Variants in FRMPD1 observed in about 807,000 individuals in gnomAD.
FRMPD1 encodes the protein FERM and PDZ domain-containing protein 1.
FRMPD1 carries 76 observed loss-of-function variants against 117.8 expected under a neutral mutation model. That is an observed-to-expected ratio of 0.65 (90% CI 0.54 to 0.78). The LOEUF (loss-of-function observed/expected upper bound fraction) is 0.78, where lower values mean the gene tolerates loss of function less well. Among genes scored for constraint, FRMPD1 ranks in the 30% least tolerant of loss-of-function variants. The probability of loss-of-function intolerance (pLI) is 0.00; values close to 1 mark genes in which losing one functional copy is unlikely to be tolerated. For missense variants in FRMPD1, 1,786 were observed against 1,964.5 expected (o/e 0.91, Z 1.72); for synonymous variants, 783 against 770.4 (o/e 1.02, Z -0.27).
Position 37,744,465 on chromosome 9 carries a change from C to T in FRMPD1, c.2433C>T (p.Asn811=), listed in dbSNP as rs867830163. The change falls in exon 16 of 16, where the codon AAC becomes AAT. Residue 811 remains asparagine, a synonymous_variant. Coordinates refer to ENST00000377765, the MANE Select transcript of FRMPD1 (RefSeq NM_014907.3). ...QNKASTSSPE[N]SLPCGPDGRQ... The stretch of plus-strand genomic sequence containing the variant: ...AGGCCAGCACTTCTAGCCCTGAGAA[C>T]AGCCTGCCTTGTGGGCCAGATGGAA... 1.2e-6 allele frequency: 2 copies of T among 1,613,996 alleles called. No individual in the cohort carries two copies. Among genetic ancestry groups the T allele is most frequent in the Non-Finnish European group, 8.5e-7 (1 of 1,179,994 alleles).
At chr9:37,629,332 T>C in the FRMPD1 span, among the ~76,000 whole-genome samples, 1 of 152,252 alleles carries the variant, frequency 6.6e-6, no homozygotes, top group Non-Finnish European at 1.5e-5. Flanking sequence ...TCTACATTTC[T>C]ATAAATGAAG....
chr9:37,687,311 C>T (rs1433271037), intron 1 of FRMPD1, among the ~76,000 whole-genome samples: 1 of 152,172 alleles, frequency 6.6e-6, no homozygotes, highest in Non-Finnish European at 1.5e-5. Flanking sequence ...CCCTTAGGCT[C>T]TTTGTGAACC....
intron 1 of FRMPD1, among the ~76,000 whole-genome samples, chr9:37,687,845 A>G (rs1822001045): frequency 6.6e-6 from 1 of 152,256 alleles, no homozygotes; most frequent in Non-Finnish European, 1.5e-5. Context: ...CTAGTAATCA[A>G]ATAACTTCCA....
chr9:37,727,488 A>G (rs1823663209), intron 7 of FRMPD1, among the ~76,000 whole-genome samples: 1 of 152,110 alleles, frequency 6.6e-6, no homozygotes, highest in Non-Finnish European at 1.5e-5. Context: ...TGGAGAACAG[A>G]TGGGTGGCAG....
intron 2 of FRMPD1, among the ~76,000 whole-genome samples, chr9:37,706,595 G>A (rs527394736): frequency 1.1e-4 from 16 of 152,286 alleles, no homozygotes; most frequent in East Asian, 3.9e-4. Context: ...CTTGTGACTC[G>A]CTTTGTGGTT....
intron 6 of FRMPD1, among the ~76,000 whole-genome samples, 159 bp downstream of exon 6, chr9:37,719,335 A>G (rs1032791761): frequency 3.3e-5 from 5 of 152,130 alleles, no homozygotes; most frequent in Non-Finnish European, 7.4e-5. Flanking sequence ...ATGCCTGCAG[A>G]CCCTGGACTG....
At position 37,707,449 on chromosome 9, in the gene FRMPD1, G is replaced by T. The variant is rs112589819; in HGVS notation, c.135G>T (p.Arg45Ser). 2.5e-6 allele frequency: 4 copies of T among 1,613,896 alleles called. No homozygotes were observed. The highest frequency in any genetic ancestry group is 1.3e-5 in the African/African-American group (1 of 74,980). Residue 45 changes from arginine (R) to serine (S), a missense_variant, in exon 3 of 16, where the codon AGG becomes AGT. By Grantham distance (110) the Arg-to-Ser change is moderately radical. Coordinates refer to ENST00000377765, the MANE Select transcript of FRMPD1 (RefSeq NM_014907.3). Reference protein sequence around the residue: ...AKVAAADGPARNPTQTLIPVR... With the variant: ...AKVAAADGPASNPTQTLIPVR... ...TTGCTGCAGCTGATGGGCCCGCCAG[G>T]AACCCAACTCAGACCCTCATCCCTG...
intron 2 of FRMPD1, among the ~76,000 whole-genome samples, chr9:37,700,372 G>A (rs1294783944): frequency 6.6e-6 from 1 of 152,194 alleles, no homozygotes; most frequent in Admixed American, 6.5e-5. Flanking sequence ...GGTACAGACT[G>A]ATGCCTCTAT....
chr9:37,708,461 G>C lies in FRMPD1; in HGVS notation c.322G>C (p.Ala108Pro). 1 of 1,612,890 alleles carries C rather than the reference G, an allele frequency of 6.2e-7. No individual in the cohort carries two copies. Among genetic ancestry groups the C allele is most frequent in the Non-Finnish European group, 8.5e-7 (1 of 1,178,838 alleles). The change falls in exon 4 of 16, where the codon GCT becomes CCT. Residue 108 changes from alanine (A) to proline (P), a missense_variant. By Grantham distance (27) the Ala-to-Pro change is conservative. Transcript: ENST00000377765. Reference protein sequence around the residue: ...DQILQMNNEPAEDLSWERAVD... With the variant: ...DQILQMNNEPPEDLSWERAVD... ...GATCCTCCAAATGAACAATGAGCCT[G>C]CTGAAGACCTTTCCTGGGAACGAGC...
At chr9:37,606,471 A>C in the FRMPD1 span, among the ~76,000 whole-genome samples, 1 of 152,336 alleles carries the variant, frequency 6.6e-6, no homozygotes, top group Middle Eastern at 3.4e-3. Flanking sequence ...CACACTGCCC[A>C]TGGACAAAAA....
At chr9:37,629,416 T>G in the FRMPD1 span, among the ~76,000 whole-genome samples, 1 of 152,186 alleles carries the variant, frequency 6.6e-6, no homozygotes, top group East Asian at 1.9e-4. Context: ...CATTCACAGC[T>G]GCATGGTCAT....
chr9:37,680,463 C>T (rs1426273328), intron 1 of FRMPD1, among the ~76,000 whole-genome samples: 5 of 152,184 alleles, frequency 3.3e-5, no homozygotes, highest in Non-Finnish European at 7.3e-5. Context: ...GAAGCTAAAA[C>T]GAGAGGCACT....
rs1437835086 is a variant in FRMPD1, at chr9:37,733,548, C to G, written c.1071C>G (p.Ala357=). 1 of 1,613,602 alleles carries G rather than the reference C, an allele frequency of 6.2e-7. No homozygotes were observed. Among genetic ancestry groups the G allele is most frequent in the African/African-American group, 1.3e-5 (1 of 74,892 alleles). Residue 357 remains alanine (A), a synonymous_variant, in exon 11 of 16, where the codon GCC becomes GCG. Coordinates refer to ENST00000377765, the MANE Select transcript of FRMPD1 (RefSeq NM_014907.3). ...TGAAAGGCAAAGACATCAAGAAAGC[C>G]ATTAGCTTCCACATGAAGAGGAACC... ...RNMKGKDIKK[A]ISFHMKRNQN...
intron 4 of FRMPD1, 32 bp downstream of exon 4, chr9:37,708,533 T>C (rs1822797154): frequency 8.1e-7 from 1 of 1,227,724 alleles, no homozygotes; most frequent in African/African-American, 1.5e-5. Flanking sequence ...TCTACAGAAT[T>C]GCACAGATTA....
chr9:37,615,386 C>A, the FRMPD1 span, among the ~76,000 whole-genome samples: 1 of 152,162 alleles, frequency 6.6e-6, no homozygotes, highest in South Asian at 2.1e-4. Flanking sequence ...GCTGGGATTA[C>A]AGGCATGAGC....
chr9:37,744,393 C>T lies in FRMPD1; in HGVS notation c.2361C>T (p.Pro787=), dbSNP rs151326689. 3,038 of 1,586,242 alleles carry T rather than the reference C, an allele frequency of 1.9e-3. 8 individuals are homozygous for T. Among genetic ancestry groups the T allele is most frequent in the South Asian group, 7.6e-3 (660 of 87,138 alleles). Residue 787 remains proline, a synonymous_variant, in exon 16 of 16, where the codon CCC becomes CCT. Transcript: ENST00000377765. ...TTTTTCTTTCCTGACTCCCAGGGCCCAGAGATGTTTCTACTGCAGAACCCA... is the reference window on the plus strand; with the variant it reads ...TTTTTCTTTCCTGACTCCCAGGGCCTAGAGATGTTTCTACTGCAGAACCCA... ...KLTPPGPPSG[P]RDVSTAEPSA...
intron 1 of FRMPD1, among the ~76,000 whole-genome samples, chr9:37,651,642 TTGAC>T: frequency 6.6e-6 from 1 of 152,366 alleles, no homozygotes; most frequent in Non-Finnish European, 1.5e-5. Context: ...TGCAGCAGCT[TTGAC>T]TGAGCTTTAG....
the FRMPD1 span, among the ~76,000 whole-genome samples, chr9:37,626,018 C>A: frequency 6.6e-6 from 1 of 152,178 alleles, no homozygotes; most frequent in Non-Finnish European, 1.5e-5. Context: ...CATGGTGAAA[C>A]CCCGTATCTA....
At chr9:37,620,430 T>C in the FRMPD1 span, among the ~76,000 whole-genome samples, 3,832 of 152,136 alleles carry the variant, frequency 0.025, 81 homozygotes, top group Non-Finnish European at 0.033. Context: ...GCTGTGAGAA[T>C]TAAATAACAT....
Sources: gnomAD v4.1 joint callset for allele counts (sites outside exome capture counted in the v4.1 genomes callset) on GRCh38, gnomAD v4.1.1 for gene constraint, MANE v1.5 for transcripts, NCBI Gene and HGNC (gene_info 2026-07-23, HGNC 2026-07-21) for gene names.